Variants in FGF9 observed in about 807,000 individuals in gnomAD.
FGF9 encodes the protein fibroblast growth factor 9 (glia-activating factor).
Under a neutral mutation model 19.9 loss-of-function variants are expected in FGF9, and 3 were observed. The ratio of observed to expected loss-of-function variants is 0.15; its 90% CI spans 0.07 to 0.39. FGF9 has a LOEUF of 0.39. Ranked by LOEUF, FGF9 falls within the 10% of genes least tolerant of loss-of-function variation. The pLI is 1.00. For synonymous variants in FGF9, 107 were observed against 106.9 expected (o/e 1.00, Z -0.01); for missense variants, 175 against 256.8 (o/e 0.68, Z 2.18).
chr13:21,686,668 G>T (rs1872165876), intron 2 of FGF9, among the ~76,000 whole-genome samples: 1 of 152,152 alleles, frequency 6.6e-6, no homozygotes, highest in Non-Finnish European at 1.5e-5. Flanking sequence ...CAGAGTCTTT[G>T]GCTTTATAAT....
At chr13:21,696,933 C>G (rs2138146585) in intron 2 of FGF9, among the ~76,000 whole-genome samples, 1 of 152,298 alleles carries the variant, frequency 6.6e-6, no homozygotes, top group Non-Finnish European at 1.5e-5. Flanking sequence ...GTCTTTATAA[C>G]TTTTCATGAT....
intron 2 of FGF9, among the ~76,000 whole-genome samples, chr13:21,699,517 G>A (rs79707461): frequency 1.6e-3 from 240 of 152,290 alleles, no homozygotes; most frequent in African/African-American, 5.4e-3. Flanking sequence ...GGATTAGGGA[G>A]GGGACCTAGA....
At chr13:21,685,418 A>G (rs1442501205) in intron 2 of FGF9, among the ~76,000 whole-genome samples, 1 of 152,192 alleles carries the variant, frequency 6.6e-6, no homozygotes, top group Non-Finnish European at 1.5e-5. Context: ...TCAGAGGTAA[A>G]TGGGTTAATA....
chr13:21,684,729 T>A (rs1450449086), intron 2 of FGF9, among the ~76,000 whole-genome samples: 1 of 152,236 alleles, frequency 6.6e-6, no homozygotes, highest in African/African-American at 2.4e-5. Flanking sequence ...GTTAGACATC[T>A]GGAATGTTTC....
At chr13:21,673,153 T>TAA (rs201910373) in intron 1 of FGF9, among the ~76,000 whole-genome samples, 3 of 144,244 alleles carry the variant, frequency 2.1e-5, no homozygotes, top group Admixed American at 2.1e-4. Flanking sequence ...TTTCCTTACT[T>TAA]AAAAAAAAAA....
chr13:21,676,185 A>G (rs1032054466), intron 1 of FGF9, among the ~76,000 whole-genome samples: 4 of 152,154 alleles, frequency 2.6e-5, no homozygotes, highest in East Asian at 3.8e-4. Flanking sequence ...CTGATCTGCT[A>G]TTTAACTTGT....
At chr13:21,696,358 T>C (rs1417284916) in intron 2 of FGF9, among the ~76,000 whole-genome samples, 4 of 152,214 alleles carry the variant, frequency 2.6e-5, no homozygotes, top group African/African-American at 7.2e-5. Context: ...GCATGGACTT[T>C]AGTAGACTTT....
At position 21,672,396 on chromosome 13, in the gene FGF9, A is replaced by C. The variant is rs778426279; in HGVS notation, c.277+207A>C. On this transcript the variant is annotated intron_variant, in intron 1 of 2. Coordinates refer to ENST00000382353, the MANE Select transcript of FGF9 (RefSeq NM_002010.3). The surrounding 1 kb of genome is among the most constrained non-coding windows in gnomAD (Gnocchi z 4.2). Reference sequence around the variant, plus strand: ...GCAGATCTGCTGCTGGCACTGATGCAAGTATACACTGAAAGGCCCCCTACT... The same window carrying C: ...GCAGATCTGCTGCTGGCACTGATGCCAGTATACACTGAAAGGCCCCCTACT... 6.6e-6 allele frequency among the ~76,000 whole-genome samples: 1 copy of C among 152,184 alleles called. No homozygotes were observed. The highest frequency in any genetic ancestry group is 1.5e-5 in the Non-Finnish European group (1 of 68,042).
rs914593777 is a variant in FGF9, at chr13:21,691,234, T to G, written c.382-9956T>G. ...ATTCAGGAAGAACTTGCAACTTCAT[T>G]GAGGGAGTCAGACATGTAAACCAAG... On this transcript the variant is annotated intron_variant, in intron 2 of 2. Coordinates refer to ENST00000382353, the MANE Select transcript of FGF9 (RefSeq NM_002010.3). The surrounding 1 kb of genome is among the most constrained non-coding windows in gnomAD (Gnocchi z 4.2). 6.6e-6 allele frequency among the ~76,000 whole-genome samples: 1 copy of G among 152,218 alleles called. No homozygotes were observed. The highest frequency in any genetic ancestry group is 6.5e-5 in the Admixed American group (1 of 15,286).
At chr13:21,690,518 T>C (rs1463117128) in intron 2 of FGF9, among the ~76,000 whole-genome samples, 1 of 152,186 alleles carries the variant, frequency 6.6e-6, no homozygotes, top group Non-Finnish European at 1.5e-5. Context: ...ACAAGTCTTA[T>C]TGATTACCTA....
intron 2 of FGF9, among the ~76,000 whole-genome samples, chr13:21,695,074 G>A (rs893881685): frequency 8.1e-5 from 12 of 147,590 alleles, no homozygotes; most frequent in Admixed American, 7.0e-5. Context: ...GTGTGCGTGT[G>A]TGTGTGTGCG....
At chr13:21,701,162 A>G (rs1228234903) in intron 2 of FGF9, 28 bp from the exon 3 acceptor site, 3 of 1,603,560 alleles carry the variant, frequency 1.9e-6, no homozygotes, top group Non-Finnish European at 2.6e-6. Context: ...TATTTTTCCT[A>G]ATGCTCTCCC....
chr13:21,671,882 T>G lies in FGF9; in HGVS notation c.-31T>G. On this transcript the variant is annotated 5_prime_UTR_variant, in exon 1 of 3. Coordinates refer to ENST00000382353, the MANE Select transcript of FGF9 (RefSeq NM_002010.3). ...CTGGGTTGACACCATCATTATTGTT[T>G]ATTCTTGTGCTCCAAAAGCCGAGTC... 1 of 1,614,084 alleles carries G rather than the reference T, an allele frequency of 6.2e-7. No individual in the cohort carries two copies. Among genetic ancestry groups the G allele is most frequent in the East Asian group, 2.2e-5 (1 of 44,876 alleles).
chr13:21,693,683 A>G (rs1872343477), intron 2 of FGF9, among the ~76,000 whole-genome samples: 2 of 152,168 alleles, frequency 1.3e-5, no homozygotes, highest in Non-Finnish European at 2.9e-5. Context: ...TGAGGCCAAC[A>G]TTGGGAAGAG....
intron 1 of FGF9, among the ~76,000 whole-genome samples, chr13:21,680,786 A>T (rs1872023870): frequency 6.6e-6 from 1 of 152,142 alleles, no homozygotes; most frequent in Non-Finnish European, 1.5e-5. Context: ...TAACTTTTTA[A>T]TTTTTAAAAT....
intron 2 of FGF9, among the ~76,000 whole-genome samples, chr13:21,688,567 G>A (rs998343166): frequency 1.3e-5 from 2 of 152,184 alleles, no homozygotes; most frequent in Admixed American, 6.5e-5. Context: ...ATGATGACAA[G>A]TCAGGATTTG....
intron 1 of FGF9, among the ~76,000 whole-genome samples, chr13:21,678,018 G>A (rs948639370): frequency 1.3e-5 from 2 of 152,144 alleles, no homozygotes; most frequent in African/African-American, 4.8e-5. Context: ...ATATTTATCT[G>A]TTTACGTGTT....
In FGF9 at chr13:21,701,638, C is replaced by T. The variant is rs2138150546; in HGVS notation, c.*203C>T. ...AAGGCTTCTCCTCCTGGAGGGCTGC[C>T]TAGGGCCACTTGCTTGATTTATCAT... is the stretch of plus-strand genomic sequence containing the variant. On this transcript the variant is annotated 3_prime_UTR_variant, in exon 3 of 3. Coordinates refer to ENST00000382353, the MANE Select transcript of FGF9 (RefSeq NM_002010.3). 1.6e-6 allele frequency: 1 copy of T among 616,864 alleles called. No homozygotes were observed. The highest frequency in any genetic ancestry group is 1.9e-5 in the South Asian group (1 of 52,694). The allele number at this position is 616,864 out of a possible 1,614,324, so 38.2% of individuals were successfully genotyped here.
At chr13:21,693,493 G>A (rs1228742626) in intron 2 of FGF9, among the ~76,000 whole-genome samples, 1 of 152,178 alleles carries the variant, frequency 6.6e-6, no homozygotes, top group Non-Finnish European at 1.5e-5. Context: ...TCTTCAGGGT[G>A]CGTTTTCTCT....
Sources: gnomAD v4.1 joint callset for allele counts (sites outside exome capture counted in the v4.1 genomes callset) on GRCh38, gnomAD v4.1.1 for gene constraint, Gnocchi (gnomAD v3.1) non-coding constraint, MANE v1.5 for transcripts, NCBI Gene and HGNC (gene_info 2026-07-23, HGNC 2026-07-21) for gene names.